POLE4: variants seen among roughly 807,000 people sequenced by gnomAD.
The protein encoded by POLE4 is DNA polymerase epsilon 4, accessory subunit, also known as DNA polymerase epsilon subunit 4.
Under a neutral mutation model 15.6 loss-of-function variants are expected in POLE4, and 15 were observed. That is an observed-to-expected ratio of 0.96 (90% CI 0.64 to 1.48). The LOEUF is 1.48. Ranked by LOEUF, POLE4 falls within the 40% of genes most tolerant of loss-of-function variation. POLE4 has a pLI of 0.00. For missense variants in POLE4, 205 were observed against 151.9 expected, an observed-to-expected ratio of 1.35 and a Z score of -1.84; for synonymous variants, 83 against 63.2, an observed-to-expected ratio of 1.31 and a Z score of -1.49.
intron 3 of POLE4, chr2:74,960,374 G>T: frequency 1.7e-6 from 1 of 579,562 alleles, no homozygotes; most frequent in Non-Finnish European, 3.1e-6. Flanking sequence ...GAAATAGGAG[G>T]GAATATAAAG....
At chr2:74,962,726 A>G (rs1671240474) in intron 3 of POLE4, among the ~76,000 whole-genome samples, 1 of 152,202 alleles carries the variant, frequency 6.6e-6, no homozygotes, top group Admixed American at 6.5e-5. Flanking sequence ...CAGCCCCCAG[A>G]GTCCCACGTA....
intron 1 of POLE4, 105 bp from the exon 2 acceptor site, chr2:74,959,236 C>T (rs1000929252): frequency 5.8e-6 from 4 of 689,552 alleles, no homozygotes; most frequent in Non-Finnish European, 1.0e-5. Flanking sequence ...CATTTTCTTG[C>T]CCCGAGCCTT....
At chr2:74,966,068 T>G (rs1349793722) in intron 3 of POLE4, among the ~76,000 whole-genome samples, 2 of 151,994 alleles carry the variant, frequency 1.3e-5, no homozygotes, top group Non-Finnish European at 2.9e-5. Context: ...TTCTCTCAAT[T>G]TTTGGCCTTC....
rs774096304 is a variant in POLE4, at chr2:74,958,742, G to A, written c.63G>A (p.Glu21=). The A allele has an allele frequency of 2.6e-6, 4 of 1,529,330 alleles. No individual in the cohort carries two copies. The highest frequency in any genetic ancestry group is 2.6e-5 in the East Asian group (1 of 37,954). The allele number at this position is 1,529,330 out of a possible 1,614,324, so 94.7% of individuals were successfully genotyped here. A position where few individuals can be genotyped will look rare whatever the true frequency, so the allele number is the denominator to read the frequency against. Residue 21 remains glutamate (E), a synonymous_variant, in exon 1 of 4, where the codon GAG becomes GAA. Coordinates refer to ENST00000483063, the MANE Select transcript of POLE4 (RefSeq NM_019896.4). The part of the protein sequence containing the change: ...TPREEEGPAG[E]AAASQPQAPT... ...GAGAGGAGGAGGGACCTGCTGGGGA[G>A]GCAGCGGCCTCGCAGCCCCAGGCCC...
chr2:74,959,756 G>A (rs1407248379), intron 2 of POLE4: 6 of 427,520 alleles, frequency 1.4e-5, no homozygotes, highest in Non-Finnish European at 2.5e-5. Context: ...CCCTCACCTG[G>A]GTAAGATTTC....
chr2:74,962,058 A>ATGCT (rs1671227662), intron 3 of POLE4, among the ~76,000 whole-genome samples: 1 of 152,140 alleles, frequency 6.6e-6, no homozygotes, highest in African/African-American at 2.4e-5. Context: ...TCTAACTAAT[A>ATGCT]TGCTTACCCA....
In POLE4 at chr2:74,969,268, G is replaced by T. The variant is rs915274108; in HGVS notation, c.341-141G>T. 20 of 780,510 alleles carry T rather than the reference G, an allele frequency of 2.6e-5. No homozygotes were observed. In the African/African-American group the frequency reaches 3.1e-4, roughly 12 times the overall value. 48.3% of individuals were successfully genotyped at this position (780,510 alleles called of 1,614,324 possible). A position where few individuals can be genotyped will look rare whatever the true frequency, so the allele number is the denominator to read the frequency against. Reference sequence around the variant, plus strand: ...GTTTTCCCTGGGGATATTTTGGATGGATCATCCTCAAAATTAGTATTTTGG... The same window carrying T: ...GTTTTCCCTGGGGATATTTTGGATGTATCATCCTCAAAATTAGTATTTTGG... On this transcript the variant is annotated intron_variant, in intron 3 of 3. Coordinates refer to ENST00000483063, the MANE Select transcript of POLE4 (RefSeq NM_019896.4).
chr2:74,969,729 C>T lies in POLE4; in HGVS notation c.*307C>T. 2.5e-6 allele frequency: 1 copy of T among 402,024 alleles called. No homozygotes were observed. Among genetic ancestry groups the T allele is most frequent in the Non-Finnish European group, 4.6e-6 (1 of 217,694 alleles). 24.9% of individuals were successfully genotyped at this position (402,024 alleles called of 1,614,324 possible). ...ACCAGAATAAAGGTTTTTGATCAAC[C>T]TCAGTCCAGTGTGTTTTATAATCTC... On this transcript the variant is annotated 3_prime_UTR_variant, in exon 4 of 4. Transcript: ENST00000483063.
At chr2:74,964,417 C>T (rs912983164) in intron 3 of POLE4, among the ~76,000 whole-genome samples, 29 of 151,974 alleles carry the variant, frequency 1.9e-4, no homozygotes, top group African/African-American at 6.3e-4. Flanking sequence ...GGGGAAGAAA[C>T]GATATCTTTA....
Position 74,969,808 on chromosome 2 carries a change from C to T in POLE4, c.*386C>T, listed in dbSNP as rs1573430920. ...GTCACCATACCTGGTCACAGACCTT[C>T]CTGATCTTCCCTGCCAGCCATTCTA... On this transcript the variant is annotated 3_prime_UTR_variant, in exon 4 of 4. Coordinates refer to ENST00000483063, the MANE Select transcript of POLE4 (RefSeq NM_019896.4). The T allele has an allele frequency of 5.2e-6, 1 of 193,028 alleles. No homozygotes were observed. The highest frequency in any genetic ancestry group is 1.1e-4 in the East Asian group (1 of 8,716). The allele number at this position is 193,028 out of a possible 1,614,324, so 12.0% of individuals were successfully genotyped here. A position where few individuals can be genotyped will look rare whatever the true frequency, so the allele number is the denominator to read the frequency against.
chr2:74,962,461 G>A (rs1196077083), intron 3 of POLE4, among the ~76,000 whole-genome samples: 1 of 152,142 alleles, frequency 6.6e-6, no homozygotes, highest in East Asian at 1.9e-4. Context: ...AACTAGGACT[G>A]TAAACAGTCT....
intron 1 of POLE4, 22 bp downstream of exon 1, chr2:74,958,914 A>G (rs933738457): frequency 5.3e-6 from 8 of 1,516,074 alleles, no homozygotes; most frequent in South Asian, 2.4e-5. Context: ...GCGCGAGGGC[A>G]TGCGGGAGTG....
intron 3 of POLE4, among the ~76,000 whole-genome samples, chr2:74,965,346 G>A (rs112508773): frequency 0.027 from 4,115 of 152,138 alleles, 82 homozygotes; most frequent in Middle Eastern, 0.054. Flanking sequence ...AGGTCCACCC[G>A]CCTCAGCCTC....
chr2:74,961,058 G>T (rs902145196), intron 3 of POLE4: 8 of 153,654 alleles, frequency 5.2e-5, no homozygotes, highest in Non-Finnish European at 1.2e-4. Context: ...TGTTCACACA[G>T]TGGTGAAATC....
At chr2:74,960,524 T>C (rs1349876449) in intron 3 of POLE4, 1 of 477,532 alleles carries the variant, frequency 2.1e-6, no homozygotes, top group Admixed American at 2.4e-5. Flanking sequence ...TGTTCTTTTT[T>C]CTTCAACAAT....
At chr2:74,961,821 A>G (rs1213663402) in intron 3 of POLE4, among the ~76,000 whole-genome samples, 1 of 152,220 alleles carries the variant, frequency 6.6e-6, no homozygotes, top group East Asian at 1.9e-4. Flanking sequence ...GTTAGCCATC[A>G]TAGCCCCTGT....
At chr2:74,968,270 T>C (rs1352134866) in intron 3 of POLE4, among the ~76,000 whole-genome samples, 1 of 152,232 alleles carries the variant, frequency 6.6e-6, no homozygotes, top group African/African-American at 2.4e-5. Flanking sequence ...TAGAAGTGTT[T>C]TTGCTTTATT....
chr2:74,966,813 T>G (rs1324260076), intron 3 of POLE4, among the ~76,000 whole-genome samples: 1 of 152,230 alleles, frequency 6.6e-6, no homozygotes, highest in Admixed American at 6.5e-5. Context: ...CATTTTTTTC[T>G]TATGAAAATG....
chr2:74,967,491 G>A (rs1671313400), intron 3 of POLE4, among the ~76,000 whole-genome samples: 1 of 151,464 alleles, frequency 6.6e-6, no homozygotes, highest in Non-Finnish European at 1.5e-5. Flanking sequence ...TTGTCTTTTA[G>A]TTCTGTAAAC....
Sources: allele counts gnomAD v4.1 joint callset (sites outside exome capture counted in the v4.1 genomes callset), GRCh38; gene constraint gnomAD v4.1.1; transcripts MANE v1.5; gene names NCBI Gene and HGNC (gene_info 2026-07-23, HGNC 2026-07-21).